The following ESD variants were observed in gnomAD, a reference collection of about 807,000 sequenced individuals.
ESD encodes the protein esterase D.
In ESD, 34 loss-of-function variants were observed where a neutral mutation model predicts 38.1. The observed-to-expected ratio is 0.89, with a 90% CI of 0.68 to 1.19. The LOEUF (loss-of-function observed/expected upper bound fraction) is 1.19, where lower values mean the gene tolerates loss of function less well. Among genes scored for constraint, ESD ranks in the 50% most tolerant of loss-of-function variants. The pLI is 0.00. For missense variants in ESD, 334 were observed against 327.2 expected (o/e 1.02, Z -0.16); for synonymous variants, 97 against 107.0 (o/e 0.91, Z 0.58).
At chr13:46,796,730 G>C (rs1875594528) in intron 1 of ESD, among the ~76,000 whole-genome samples, 1 of 152,244 alleles carries the variant, frequency 6.6e-6, no homozygotes, top group Non-Finnish European at 1.5e-5. Flanking sequence ...GTTGAGGCCA[G>C]CTCCCTCCTT....
At chr13:46,788,119 G>A (rs1013734402) in intron 3 of ESD, among the ~76,000 whole-genome samples, 1 of 151,946 alleles carries the variant, frequency 6.6e-6, no homozygotes, top group Non-Finnish European at 1.5e-5. Context: ...GATAAGCCAT[G>A]TAGTATATTA....
intron 4 of ESD, among the ~76,000 whole-genome samples, chr13:46,784,794 T>C (rs1330286985): frequency 6.6e-6 from 1 of 151,976 alleles, no homozygotes; most frequent in African/African-American, 2.4e-5. Context: ...ATCCCATAAC[T>C]ATCCTTTTAA....
At chr13:46,783,964 G>A (rs890965037) in intron 5 of ESD, among the ~76,000 whole-genome samples, 2 of 152,030 alleles carry the variant, frequency 1.3e-5, no homozygotes, top group East Asian at 1.9e-4. Context: ...TTTGACAGTA[G>A]TGCCAACATG....
intron 6 of ESD, among the ~76,000 whole-genome samples, 169 bp from the exon 7 acceptor site, chr13:46,781,784 A>T: frequency 6.6e-6 from 1 of 152,050 alleles, no homozygotes; most frequent in East Asian, 1.9e-4. Flanking sequence ...GCAGACCATG[A>T]TTATTAATAT....
intron 1 of ESD, among the ~76,000 whole-genome samples, chr13:46,796,617 A>G (rs1034024196): frequency 6.6e-5 from 10 of 152,178 alleles, no homozygotes; most frequent in Admixed American, 6.5e-4. Flanking sequence ...CCATCAGGTG[A>G]GTGCTCCTGA....
At chr13:46,782,273 CAT>C (rs1184448840) in intron 6 of ESD, among the ~76,000 whole-genome samples, 1 of 151,670 alleles carries the variant, frequency 6.6e-6, no homozygotes, top group Non-Finnish European at 1.5e-5. Context: ...CAATGAAAAT[CAT>C]ATAAAATTCA....
chr13:46,782,755 T>C lies in ESD; in HGVS notation c.293A>G (p.Asp98Gly). ...ATAAAATCCAGCACCAGTGCCAAAG[T>C]CCCAGCTCTCATCTTCACCTTTAAT... ...CNIKGEDESW[D>G]FGTGAGFYVD... The change falls in exon 6 of 10, where the codon GAC (aspartate) becomes GGC (glycine). Residue 98 changes from aspartate to glycine, a missense_variant. Asp to Gly is a moderately conservative substitution (Grantham distance 94). Transcript: ENST00000378720. 6.2e-7 allele frequency: 1 copy of C among 1,612,332 alleles called. No individual in the cohort carries two copies. Among genetic ancestry groups the C allele is most frequent in the Non-Finnish European group, 8.5e-7 (1 of 1,178,826 alleles).
rs777141750 is a variant in ESD, at chr13:46,782,744, C to G, written c.304G>C (p.Gly102Arg). 7 of 1,612,354 alleles carry G rather than the reference C, an allele frequency of 4.3e-6. No homozygotes were observed. The highest frequency in any genetic ancestry group is 1.3e-5 in the African/African-American group (1 of 74,894). ...GEDESWDFGT[G>R]AGFYVDATED... is the part of the protein sequence containing the mutation. The stretch of plus-strand genomic sequence containing the variant: ...GTGGCATCAACATAAAATCCAGCAC[C>G]AGTGCCAAAGTCCCAGCTCTCATCT... The change falls in exon 6 of 10, where the codon GGT (glycine) becomes CGT (arginine). Residue 102 changes from glycine (G) to arginine (R), a missense_variant. Physicochemically the swap from Gly to Arg is moderately radical, Grantham distance 125. Transcript: ENST00000378720.
At chr13:46,791,190 C>A (rs1472969173) in intron 3 of ESD, among the ~76,000 whole-genome samples, 156 bp downstream of exon 3, 2 of 152,120 alleles carry the variant, frequency 1.3e-5, no homozygotes, top group Non-Finnish European at 2.9e-5. Flanking sequence ...TTAATTAAGT[C>A]TGGTAGAATT....
chr13:46,780,523 A>G lies in ESD; in HGVS notation c.502-490T>C, dbSNP rs139331497. ...ACAATGTTCTTTTTCACTGGATGAGATGCAGAGATGGGATCTCTCAACTTC... is the reference window on the plus strand; with the variant it reads ...ACAATGTTCTTTTTCACTGGATGAGGTGCAGAGATGGGATCTCTCAACTTC... On this transcript the variant is annotated intron_variant, in intron 7 of 9. Transcript: ENST00000378720. Among the ~76,000 whole-genome samples, 264 of 151,832 alleles carry G rather than the reference A, an allele frequency of 1.7e-3. 1 individual carries two copies. Among genetic ancestry groups the G allele is most frequent in the African/African-American group, 6.1e-3 (255 of 41,512 alleles).
intron 3 of ESD, among the ~76,000 whole-genome samples, chr13:46,788,561 T>C (rs1233111591): frequency 6.6e-6 from 1 of 151,936 alleles, no homozygotes; most frequent in Non-Finnish European, 1.5e-5. Flanking sequence ...ATATTTCATG[T>C]TGTTTTGTTA....
In ESD at chr13:46,793,433, T is replaced by C. The variant is rs1436904207; in HGVS notation, c.-44A>G. 6.6e-6 allele frequency: 1 copy of C among 152,584 alleles called. No individual in the cohort carries two copies. Among genetic ancestry groups the C allele is most frequent in the East Asian group, 1.9e-4 (1 of 5,200 alleles). The allele number at this position is 152,584 out of a possible 1,614,324, so 9.5% of individuals were successfully genotyped here. A position where few individuals can be genotyped will look rare whatever the true frequency, so the allele number is the denominator to read the frequency against. On this transcript the variant is annotated 5_prime_UTR_variant, in exon 2 of 10. Transcript: ENST00000378720. The stretch of plus-strand genomic sequence containing the variant: ...CTGATTGCTTTTTGCTTGCACCAAA[T>C]GGTAGGCGATTCTGAAAAAAACACC...
intron 3 of ESD, among the ~76,000 whole-genome samples, chr13:46,788,147 C>A (rs1236194890): frequency 6.6e-6 from 1 of 151,848 alleles, no homozygotes; most frequent in African/African-American, 2.4e-5. Context: ...TTTCCTTTTT[C>A]TTTCAGTTTT....
chr13:46,789,714 CTTATT>C (rs960253505), intron 3 of ESD, among the ~76,000 whole-genome samples: 44 of 152,062 alleles, frequency 2.9e-4, no homozygotes, highest in African/African-American at 9.2e-4. Flanking sequence ...TCACTTTTAT[CTTATT>C]TTACTTTCTA....
At chr13:46,777,724 G>T in intron 8 of ESD, 101 bp from the exon 9 acceptor site, 1 of 922,376 alleles carries the variant, frequency 1.1e-6, no homozygotes, top group Non-Finnish European at 1.5e-6. Context: ...TAAGCTCTTA[G>T]GCTGATTAAA....
Position 46,772,471 on chromosome 13 carries a change from G to C in ESD, c.769-975C>G, listed in dbSNP as rs191604029. ...AACTTTTAAGTTCAGGAGTACATGT[G>C]CTGGATATGCAGTTACATAAGTAAA... On this transcript the variant is annotated intron_variant, in intron 9 of 9. Coordinates refer to ENST00000378720, the MANE Select transcript of ESD (RefSeq NM_001984.2). Among the ~76,000 whole-genome samples, 290 of 152,202 alleles carry C rather than the reference G, an allele frequency of 1.9e-3. 1 individual carries two copies. The highest frequency in any genetic ancestry group is 2.8e-3 in the Non-Finnish European group (190 of 68,006).
intron 9 of ESD, chr13:46,776,281 T>C (rs1381363634): frequency 6.6e-6 from 1 of 152,392 alleles, no homozygotes; most frequent in East Asian, 1.9e-4. Context: ...TTTCTCACTA[T>C]ATAGTTCACA....
At chr13:46,796,465 G>A (rs1379460763) in intron 1 of ESD, among the ~76,000 whole-genome samples, 1 of 152,204 alleles carries the variant, frequency 6.6e-6, no homozygotes, top group Non-Finnish European at 1.5e-5. Flanking sequence ...CAACCTGAAT[G>A]CCCTCTCCTT....
intron 1 of ESD, among the ~76,000 whole-genome samples, chr13:46,794,108 G>A (rs909898445): frequency 1.2e-4 from 18 of 151,878 alleles, no homozygotes; most frequent in Admixed American, 4.6e-4. Context: ...GGGTGACAGA[G>A]TAGGGTGGAA....
Sources: allele counts gnomAD v4.1 joint callset (sites outside exome capture counted in the v4.1 genomes callset), GRCh38; gene constraint gnomAD v4.1.1; transcripts MANE v1.5; gene names NCBI Gene and HGNC (gene_info 2026-07-23, HGNC 2026-07-21).